Variants in USP25 observed in about 807,000 individuals in gnomAD.
USP25 encodes ubiquitin specific peptidase 25, also known as ubiquitin carboxyl-terminal hydrolase 25.
Under a neutral mutation model 158.5 loss-of-function variants are expected in USP25, and 85 were observed. The observed-to-expected ratio is 0.54, with a 90% CI of 0.45 to 0.64. The LOEUF is 0.64. Ranked by LOEUF, USP25 falls within the 30% of genes least tolerant of loss-of-function variation. The pLI is 0.00. For missense variants in USP25, 1,242 were observed against 1,327.3 expected, an observed-to-expected ratio of 0.94 and a Z score of 1.00; for synonymous variants, 464 against 460.4, an observed-to-expected ratio of 1.01 and a Z score of -0.10.
intron 19 of USP25, 24 bp downstream of exon 19, chr21:15,847,800 C>A: frequency 1.4e-6 from 2 of 1,449,790 alleles, no homozygotes; most frequent in Non-Finnish European, 1.9e-6. Context: ...CCCTCTGCAC[C>A]ATTGCTACTT....
At chr21:15,781,890 C>G (rs1472317842) in intron 4 of USP25, among the ~76,000 whole-genome samples, 1 of 152,160 alleles carries the variant, frequency 6.6e-6, no homozygotes. Context: ...CTCTTTGACA[C>G]CCTGCACCCC....
intron 3 of USP25, among the ~76,000 whole-genome samples, chr21:15,775,769 C>A: frequency 7.4e-6 from 1 of 134,866 alleles, no homozygotes; most frequent in South Asian, 2.8e-4. Context: ...CCGCTGCACT[C>A]TGCCTTCCAT....
In USP25 at chr21:15,812,699, A is replaced by G. The variant is rs116534960; in HGVS notation, c.931+1489A>G. Among the ~76,000 whole-genome samples, 1,050 of 152,164 alleles carry G rather than the reference A, an allele frequency of 6.9e-3. 9 individuals are homozygous for G. The highest frequency in any genetic ancestry group is 0.024 in the African/African-American group (1,017 of 41,516). On this transcript the variant is annotated intron_variant, in intron 9 of 25. Transcript: ENST00000400183. ...GTCAATCCAGTGTTGAAGTCTTTGTACTTGGTATTAGTAAGTTGCTTTAGT... is the reference window on the plus strand; with the variant it reads ...GTCAATCCAGTGTTGAAGTCTTTGTGCTTGGTATTAGTAAGTTGCTTTAGT...
intron 23 of USP25, among the ~76,000 whole-genome samples, chr21:15,872,420 A>G (rs947129182): frequency 2.0e-5 from 3 of 152,232 alleles, no homozygotes; most frequent in Non-Finnish European, 4.4e-5. Context: ...CAAAGAGGTG[A>G]CTCAGGTCTA....
At position 15,866,253 on chromosome 21, in the gene USP25, G is replaced by T. The variant is rs749606729; in HGVS notation, c.2727-13G>T. The T allele has an allele frequency of 3.2e-5, 47 of 1,472,516 alleles. 2 individuals carry two copies. The South Asian group carries it at 3.2e-4, about 10-fold the overall frequency. 91.2% of individuals were successfully genotyped at this position (1,472,516 alleles called of 1,614,324 possible). A position where few individuals can be genotyped will look rare whatever the true frequency, so the allele number is the denominator to read the frequency against. On this transcript the variant is annotated splice_polypyrimidine_tract_variant and intron_variant, in intron 21 of 25. Transcript: ENST00000400183. ...CATACACACACGCTCATATGTATGTGTTTTTTTTTAAGGTGTCACAACATA... is the reference window on the plus strand; with the variant it reads ...CATACACACACGCTCATATGTATGTTTTTTTTTTTAAGGTGTCACAACATA...
intron 1 of USP25, among the ~76,000 whole-genome samples, chr21:15,737,136 C>G (rs1421550739): frequency 6.6e-6 from 1 of 152,036 alleles, no homozygotes; most frequent in Non-Finnish European, 1.5e-5. Flanking sequence ...TTATACGTCA[C>G]TTATCTTTCT....
intron 23 of USP25, among the ~76,000 whole-genome samples, chr21:15,874,129 ACTAT>A: frequency 6.6e-6 from 1 of 152,330 alleles, no homozygotes; most frequent in African/African-American, 2.4e-5. Context: ...GGAAAACAGA[ACTAT>A]CTGACTTTAT....
At position 15,829,938 on chromosome 21, in the gene USP25, C is replaced by G. The variant is rs113528616; in HGVS notation, c.1694-593C>G. Among the ~76,000 whole-genome samples, 865 of 152,254 alleles carry G rather than the reference C, an allele frequency of 5.7e-3. 7 individuals are homozygous for G. Among genetic ancestry groups the G allele is most frequent in the African/African-American group, 0.02 (840 of 41,548 alleles). ...CTTCCTGATTGGTTCAGCAGCTTCA[C>G]AATATGATGTGGTTACAATCTAACC... On this transcript the variant is annotated intron_variant, in intron 14 of 25. Transcript: ENST00000400183.
intron 1 of USP25, among the ~76,000 whole-genome samples, chr21:15,750,214 G>GTTT (rs35867462): frequency 1.1e-4 from 7 of 65,630 alleles, no homozygotes; most frequent in Admixed American, 8.1e-4. Context: ...GTGTGTGTAT[G>GTTT]TTTTTTTTTT....
At chr21:15,873,691 C>G (rs2146602184) in intron 23 of USP25, among the ~76,000 whole-genome samples, 1 of 152,084 alleles carries the variant, frequency 6.6e-6, no homozygotes, top group Admixed American at 6.5e-5. Context: ...CGGGGTTTCT[C>G]CATGTTGGTC....
At chr21:15,851,131 G>A (rs1391141090) in intron 20 of USP25, among the ~76,000 whole-genome samples, 3 of 150,930 alleles carry the variant, frequency 2.0e-5, no homozygotes, top group Non-Finnish European at 4.4e-5. Context: ...AAAAAACACT[G>A]AATATATGTC....
chr21:15,851,280 T>A (rs956074540), intron 20 of USP25, among the ~76,000 whole-genome samples: 2 of 152,154 alleles, frequency 1.3e-5, no homozygotes, highest in Non-Finnish European at 2.9e-5. Flanking sequence ...AATAATCACC[T>A]AATTGTATAT....
intron 5 of USP25, among the ~76,000 whole-genome samples, chr21:15,794,505 G>C (rs1245585033): frequency 1.3e-5 from 2 of 151,520 alleles, no homozygotes; most frequent in African/African-American, 4.8e-5. Flanking sequence ...CTATTTGGAG[G>C]TGTATGTTCT....
intron 5 of USP25, among the ~76,000 whole-genome samples, chr21:15,795,704 A>G (rs1389290475): frequency 1.3e-5 from 2 of 151,590 alleles, no homozygotes; most frequent in African/African-American, 2.4e-5. Flanking sequence ...GAGTCATTTA[A>G]GATCTCCAAA....
At chr21:15,802,296 ATT>A (rs2036171945) in intron 6 of USP25, among the ~76,000 whole-genome samples, 1 of 151,620 alleles carries the variant, frequency 6.6e-6, no homozygotes, top group Non-Finnish European at 1.5e-5. Context: ...ACCATACTGT[ATT>A]CCTGGAGCAA....
At chr21:15,810,409 A>C (rs1183040962) in intron 8 of USP25, among the ~76,000 whole-genome samples, 5 of 152,212 alleles carry the variant, frequency 3.3e-5, no homozygotes, top group African/African-American at 9.6e-5. Context: ...ACAATTGTGG[A>C]TACAACGCAT....
chr21:15,745,860 A>T (rs973926025), intron 1 of USP25, among the ~76,000 whole-genome samples: 5 of 152,142 alleles, frequency 3.3e-5, no homozygotes, highest in African/African-American at 1.2e-4. Context: ...TAGGTTTACG[A>T]TCCATTTGGA....
At chr21:15,856,659 G>A (rs2146518988) in intron 20 of USP25, among the ~76,000 whole-genome samples, 1 of 152,192 alleles carries the variant, frequency 6.6e-6, no homozygotes. Flanking sequence ...TTTTAGTAGA[G>A]ACAGGGTTTC....
Position 15,867,934 on chromosome 21 carries a change from A to G in USP25, c.2805+1590A>G, listed in dbSNP as rs142360313. ...ATATATAGATATCACTTTTCCCCCA[A>G]ATGCTTTATAAATTCAGTGCAGGCT... On this transcript the variant is annotated intron_variant, in intron 22 of 25. Transcript: ENST00000400183. 1.5e-3 allele frequency among the ~76,000 whole-genome samples: 224 copies of G among 152,228 alleles called. 1 individual carries two copies. The highest frequency in any genetic ancestry group is 0.014 in the East Asian group (70 of 5,174).
Sources: allele counts gnomAD v4.1 joint callset (sites outside exome capture counted in the v4.1 genomes callset), GRCh38; gene constraint gnomAD v4.1.1; transcripts MANE v1.5; gene names NCBI Gene and HGNC (gene_info 2026-07-23, HGNC 2026-07-21).